The following MAGI1 variants were observed in gnomAD, a reference collection of about 807,000 sequenced individuals.
MAGI1 encodes the protein membrane associated guanylate kinase, WW and PDZ domain containing 1.
In MAGI1, 58 loss-of-function variants were observed where a neutral mutation model predicts 139.9. The ratio of observed to expected loss-of-function variants is 0.41; its 90% CI spans 0.34 to 0.52. The LOEUF (loss-of-function observed/expected upper bound fraction) is 0.52, where lower values mean the gene tolerates loss of function less well. Among genes scored for constraint, MAGI1 ranks in the 20% least tolerant of loss-of-function variants. MAGI1 has a pLI of 0.12. For missense variants in MAGI1, 1,874 were observed against 1,901.6 expected, an observed-to-expected ratio of 0.99 and a Z score of 0.27; for synonymous variants, 812 against 737.9, an observed-to-expected ratio of 1.10 and a Z score of -1.63.
At chr3:65,641,364 C>T (rs1201917652) in intron 1 of MAGI1, among the ~76,000 whole-genome samples, 3 of 152,266 alleles carry the variant, frequency 2.0e-5, no homozygotes, top group South Asian at 2.1e-4. Context: ...TATAATAGCA[C>T]CAGCGCCTAG....
chr3:65,415,486 C>A (rs185091665), intron 12 of MAGI1, among the ~76,000 whole-genome samples: 25 of 152,188 alleles, frequency 1.6e-4, no homozygotes, highest in African/African-American at 6.0e-4. Context: ...GGACACAGCC[C>A]AGGGCTGGCT....
intron 1 of MAGI1, among the ~76,000 whole-genome samples, chr3:65,957,595 A>G (rs568521596): frequency 3.3e-5 from 5 of 151,998 alleles, no homozygotes; most frequent in African/African-American, 9.7e-5. Context: ...ATCTCAATAC[A>G]ATGTTGAGGA....
intron 1 of MAGI1, among the ~76,000 whole-genome samples, chr3:65,826,708 G>C (rs1025555259): frequency 2.0e-5 from 3 of 152,162 alleles, no homozygotes; most frequent in Non-Finnish European, 4.4e-5. Context: ...ACTGTATTGA[G>C]ACATCAACGC....
At chr3:65,713,447 GAAAA>G (rs933605370) in intron 1 of MAGI1, among the ~76,000 whole-genome samples, 1 of 151,536 alleles carries the variant, frequency 6.6e-6, no homozygotes, top group Non-Finnish European at 1.5e-5. Flanking sequence ...TTTAAAAAAA[GAAAA>G]AAAAGAAAGA....
intron 1 of MAGI1, among the ~76,000 whole-genome samples, chr3:65,775,310 A>G (rs1215976388): frequency 6.6e-6 from 1 of 151,694 alleles, no homozygotes. Flanking sequence ...TTTGCCAGGC[A>G]TTGTCATACA....
chr3:65,644,111 C>A (rs1004478462), intron 1 of MAGI1, among the ~76,000 whole-genome samples: 15 of 152,104 alleles, frequency 9.9e-5, no homozygotes, highest in African/African-American at 3.6e-4. Context: ...AGACTTCTAC[C>A]CCCACTGGAC....
chr3:65,919,793 C>A (rs1576045991), intron 1 of MAGI1, among the ~76,000 whole-genome samples: 1 of 152,184 alleles, frequency 6.6e-6, no homozygotes, highest in East Asian at 1.9e-4. Context: ...GGAATAATTT[C>A]TCTCATACAG....
intron 17 of MAGI1, among the ~76,000 whole-genome samples, chr3:65,378,514 G>A (rs3772194): frequency 6.6e-6 from 1 of 151,844 alleles, no homozygotes; most frequent in Non-Finnish European, 1.5e-5. Flanking sequence ...TTTTACAGCC[G>A]TATGCTCCTT....
chr3:65,778,995 A>C (rs927322802), intron 1 of MAGI1, among the ~76,000 whole-genome samples: 2 of 152,168 alleles, frequency 1.3e-5, no homozygotes, highest in Non-Finnish European at 2.9e-5. Context: ...CTTGCAACAC[A>C]CAGAACAGCT....
chr3:65,975,660 TA>T (rs762049284), intron 1 of MAGI1, among the ~76,000 whole-genome samples: 20 of 151,934 alleles, frequency 1.3e-4, no homozygotes, highest in African/African-American at 1.9e-4. Context: ...AAATTAAAAA[TA>T]AAATAAAATA....
intron 1 of MAGI1, among the ~76,000 whole-genome samples, chr3:66,011,681 C>T (rs974504555): frequency 2.0e-5 from 3 of 152,104 alleles, no homozygotes; most frequent in Admixed American, 6.5e-5. Flanking sequence ...TCCTGCAGGT[C>T]GGCTGGGCCT....
chr3:65,678,387 C>A (rs565647862), intron 1 of MAGI1, among the ~76,000 whole-genome samples: 2 of 151,538 alleles, frequency 1.3e-5, no homozygotes, highest in Admixed American at 1.3e-4. Flanking sequence ...GCTTATACAG[C>A]AAAGTGAGAG....
chr3:65,789,145 C>T (rs1347757282), intron 1 of MAGI1, among the ~76,000 whole-genome samples: 1 of 152,158 alleles, frequency 6.6e-6, no homozygotes, highest in East Asian at 1.9e-4. Flanking sequence ...CGCACCACTG[C>T]ACTCCAGCCT....
chr3:65,626,275 T>A (rs910220212), intron 1 of MAGI1, among the ~76,000 whole-genome samples: 2 of 152,210 alleles, frequency 1.3e-5, no homozygotes, highest in African/African-American at 4.8e-5. Context: ...ATGGATCATA[T>A]GTGGTAACTA....
At chr3:65,649,044 C>A (rs1360960110) in intron 1 of MAGI1, among the ~76,000 whole-genome samples, 1 of 152,082 alleles carries the variant, frequency 6.6e-6, no homozygotes. Context: ...ATATCTTACA[C>A]AAAAATTAAC....
chr3:65,860,919 C>T (rs12486801), intron 1 of MAGI1, among the ~76,000 whole-genome samples: 17,724 of 152,108 alleles, frequency 0.12, 1,167 homozygotes, highest in Non-Finnish European at 0.15. Context: ...AATTCAAATT[C>T]AAATACCATT....
chr3:65,458,433 G>C (rs1002277875), intron 5 of MAGI1, among the ~76,000 whole-genome samples: 5 of 151,134 alleles, frequency 3.3e-5, no homozygotes, highest in Admixed American at 3.3e-4. Flanking sequence ...CCCAATAACA[G>C]TGTGAGAAGG....
intron 14 of MAGI1, among the ~76,000 whole-genome samples, chr3:65,389,734 G>C (rs1460293763): frequency 6.6e-6 from 1 of 152,168 alleles, no homozygotes; most frequent in African/African-American, 2.4e-5. Flanking sequence ...GTACTTTAGG[G>C]GTGTCTTTCT....
At chr3:65,810,298 C>T (rs2041142273) in intron 1 of MAGI1, among the ~76,000 whole-genome samples, 1 of 152,236 alleles carries the variant, frequency 6.6e-6, no homozygotes, top group Admixed American at 6.5e-5. Context: ...CCTATGAAGT[C>T]TAACTAGCAG....
Sources: allele counts gnomAD v4.1 joint callset (sites outside exome capture counted in the v4.1 genomes callset), GRCh38; gene constraint gnomAD v4.1.1; transcripts MANE v1.5; gene names NCBI Gene and HGNC (gene_info 2026-07-23, HGNC 2026-07-21).